The following AGBL3 variants were observed in gnomAD, a reference collection of about 807,000 sequenced individuals.
AGBL3 encodes cytosolic carboxypeptidase 3.
AGBL3 carries 68 observed loss-of-function variants against 94.5 expected under a neutral mutation model. The ratio of observed to expected loss-of-function variants is 0.72; its 90% CI spans 0.59 to 0.88. AGBL3 has a LOEUF of 0.88. Ranked by LOEUF, AGBL3 falls within the 40% of genes least tolerant of loss-of-function variation. The pLI is 0.00. For synonymous variants in AGBL3, 354 were observed against 370.7 expected (o/e 0.95, Z 0.52); for missense variants, 934 against 1,103.8 (o/e 0.85, Z 2.18).
chr7:135,017,274 CATAAAG>C (rs1813910205), intron 5 of AGBL3, 115 bp downstream of exon 5: 1 of 750,830 alleles, frequency 1.3e-6, no homozygotes. Flanking sequence ...AGTCCCTAAA[CATAAAG>C]ATGTTTGTTT....
At chr7:134,992,296 G>A (rs186495298) in intron 3 of AGBL3, among the ~76,000 whole-genome samples, 1 of 152,298 alleles carries the variant, frequency 6.6e-6, no homozygotes, top group Admixed American at 6.5e-5. Flanking sequence ...TTACTCCGGG[G>A]CTGAGTTCAT....
chr7:135,058,455 G>C (rs538541704), intron 11 of AGBL3, among the ~76,000 whole-genome samples: 1 of 151,980 alleles, frequency 6.6e-6, no homozygotes, highest in East Asian at 1.9e-4. Context: ...ATGTAGAATG[G>C]ATATAGTGAT....
chr7:135,021,620 T>A (rs891700056), intron 5 of AGBL3, among the ~76,000 whole-genome samples: 2 of 151,876 alleles, frequency 1.3e-5, no homozygotes, highest in Non-Finnish European at 2.9e-5. Context: ...TTATTTTAAT[T>A]TTTTTTAATT....
At chr7:135,092,716 G>A (rs1452940835) in intron 15 of AGBL3, 3 of 151,846 alleles carry the variant, frequency 2.0e-5, no homozygotes, top group Non-Finnish European at 4.4e-5. Context: ...AGATTTCAGG[G>A]GCCAAATAAA....
Position 135,134,984 on chromosome 7 carries a change from GTTTATC to G in AGBL3, c.2487_2492del (p.Ser829_Ser831delinsArg). ...TCTAAGCCCCACAGGTCATTGGAAA[GTTTATC>G]ACCTCTCAAAGGCCCCAAGAAGAAT... On this transcript the variant is annotated inframe_deletion, in exon 17 of 17. Coordinates refer to ENST00000436302, the MANE Select transcript of AGBL3 (RefSeq NM_178563.4). 1 of 1,551,170 alleles carries G rather than the reference GTTTATC, an allele frequency of 6.4e-7. No homozygotes were observed. Among genetic ancestry groups the G allele is most frequent in the Non-Finnish European group, 8.7e-7 (1 of 1,146,652 alleles).
chr7:135,107,986 T>C (rs974600706), intron 15 of AGBL3, among the ~76,000 whole-genome samples: 1 of 152,106 alleles, frequency 6.6e-6, no homozygotes, highest in African/African-American at 2.4e-5. Flanking sequence ...CTTTTTTTTT[T>C]ATCTTTGTTG....
At chr7:134,993,367 TA>T in intron 3 of AGBL3, 125 bp from the exon 4 acceptor site, 1 of 772,534 alleles carries the variant, frequency 1.3e-6, no homozygotes. Flanking sequence ...CCATGAATTA[TA>T]AAACATTTAT....
chr7:135,014,230 C>T (rs1017924975), intron 4 of AGBL3, among the ~76,000 whole-genome samples: 34 of 139,538 alleles, frequency 2.4e-4, no homozygotes, highest in African/African-American at 7.7e-4. Flanking sequence ...AAAAAAAACC[C>T]GAAATGTTGA....
chr7:135,076,081 A>T (rs1180837054), intron 12 of AGBL3, among the ~76,000 whole-genome samples: 4 of 152,154 alleles, frequency 2.6e-5, no homozygotes, highest in South Asian at 2.1e-4. Context: ...GGATTTTTTT[A>T]AATTGCATTC....
intron 15 of AGBL3, among the ~76,000 whole-genome samples, chr7:135,096,770 A>AGAAAGAAG (rs1822933397): frequency 6.6e-6 from 1 of 151,454 alleles, no homozygotes; most frequent in Non-Finnish European, 1.5e-5. Context: ...AAAGAAAGAA[A>AGAAAGAAG]GAAAGAAAGA....
Position 135,132,733 on chromosome 7 carries a change from G to A in AGBL3, c.2343-2108G>A, listed in dbSNP as rs113015835. ...AGTTCCCCTGCATAAGCTGTCTTGC[G>A]TGCCACCATGTAAGACATGACTTTG... On this transcript the variant is annotated intron_variant, in intron 16 of 16. Coordinates refer to ENST00000436302, the MANE Select transcript of AGBL3 (RefSeq NM_178563.4). 4.6e-3 allele frequency among the ~76,000 whole-genome samples: 702 copies of A among 152,218 alleles called. 1 individual carries two copies. Among genetic ancestry groups the A allele is most frequent in the African/African-American group, 8.1e-3 (335 of 41,522 alleles).
At chr7:135,076,613 C>T (rs1820476919) in intron 13 of AGBL3, 145 bp downstream of exon 13, 1 of 615,648 alleles carries the variant, frequency 1.6e-6, no homozygotes, top group Non-Finnish European at 2.9e-6. Context: ...TTTATAAAAA[C>T]ACAAAAGATC....
At chr7:135,105,523 TAGA>T (rs910732348) in intron 15 of AGBL3, among the ~76,000 whole-genome samples, 2 of 152,258 alleles carry the variant, frequency 1.3e-5, no homozygotes, top group African/African-American at 4.8e-5. Context: ...GTCAGATTTG[TAGA>T]AGATCAGATG....
At chr7:134,995,518 A>G (rs996624322) in intron 4 of AGBL3, 5 of 152,162 alleles carry the variant, frequency 3.3e-5, no homozygotes, top group African/African-American at 1.2e-4. Flanking sequence ...GTTACTGCTG[A>G]GGTTCTTTCA....
chr7:134,999,259 C>T (rs528993277), intron 4 of AGBL3, among the ~76,000 whole-genome samples: 1 of 152,276 alleles, frequency 6.6e-6, no homozygotes, highest in Admixed American at 6.5e-5. Flanking sequence ...AAAGCCTAGT[C>T]CAGAGTAAAT....
At chr7:135,131,420 A>G (rs2117342190) in intron 16 of AGBL3, among the ~76,000 whole-genome samples, 1 of 151,784 alleles carries the variant, frequency 6.6e-6, no homozygotes, top group African/African-American at 2.4e-5. Flanking sequence ...CTGCACATGT[A>G]TCCTGGCTTT....
chr7:135,045,317 A>T lies in AGBL3; in HGVS notation c.1628-157A>T, dbSNP rs6964997. Among the ~76,000 whole-genome samples the T allele has an allele frequency of 2.5e-3, 388 of 152,256 alleles. 1 individual carries two copies. Among genetic ancestry groups the T allele is most frequent in the African/African-American group, 8.7e-3 (362 of 41,556 alleles). On this transcript the variant is annotated intron_variant, in intron 9 of 16. Coordinates refer to ENST00000436302, the MANE Select transcript of AGBL3 (RefSeq NM_178563.4). The stretch of plus-strand genomic sequence containing the variant: ...CAGATGGTGGAAAAGGAACAAGGGA[A>T]AGCAATGAGATGTTAAATGACCTGT...
intron 16 of AGBL3, among the ~76,000 whole-genome samples, chr7:135,126,186 T>C (rs1313942859): frequency 2.0e-5 from 3 of 152,204 alleles, no homozygotes; most frequent in Non-Finnish European, 4.4e-5. Context: ...ATAAGCAACT[T>C]CAGCAAAGTC....
chr7:135,133,645 G>A (rs551009677), intron 16 of AGBL3, among the ~76,000 whole-genome samples: 1 of 152,162 alleles, frequency 6.6e-6, no homozygotes, highest in South Asian at 2.1e-4. Context: ...GATTTTGATA[G>A]GGAATTCAAA....
Sources: allele counts gnomAD v4.1 joint callset (sites outside exome capture counted in the v4.1 genomes callset), GRCh38; gene constraint gnomAD v4.1.1; transcripts MANE v1.5; gene names NCBI Gene and HGNC (gene_info 2026-07-23, HGNC 2026-07-21).